Variants in SRGAP2B observed in about 807,000 individuals in gnomAD.
The protein encoded by SRGAP2B is SLIT-ROBO Rho GTPase activating protein 2B, also known as SLIT-ROBO Rho GTPase-activating protein 2B.
SRGAP2B carries 9 observed loss-of-function variants against 22.2 expected under a neutral mutation model. That is an observed-to-expected ratio of 0.41 (90% confidence interval 0.24 to 0.71). SRGAP2B has a LOEUF of 0.71. Ranked by LOEUF, SRGAP2B falls within the 30% of genes least tolerant of loss-of-function variation. The pLI, the probability that SRGAP2B is intolerant of heterozygous loss-of-function variation, is 0.35. For missense variants in SRGAP2B, 114 were observed against 235.8 expected, an observed-to-expected ratio of 0.48 and a Z score of 3.38; for synonymous variants, 36 against 87.4, an observed-to-expected ratio of 0.41 and a Z score of 3.28.
rs1239316459 is a variant in SRGAP2B at position 144,912,278 on chromosome 1, AC to A, written c.486+2413del. ...TTCTAATGGCCTACAGACTCTGGAA[AC>A]CTATTTGATCCTTAGCTATAGCCTA... is the stretch of plus-strand genomic sequence containing the variant. On this transcript the variant is annotated intron_variant, in intron 5 of 9. Transcript: ENST00000612199. Among the ~76,000 whole-genome samples, 4 of 147,196 alleles carry A rather than the reference AC, an allele frequency of 2.7e-5. 1 individual carries two copies. The highest frequency in any genetic ancestry group is 1.0e-4 in the African/African-American group (4 of 38,264).
rs371866853 is a variant in SRGAP2B at position 144,994,581 on chromosome 1, A to T, written c.260+427T>A. Among the ~76,000 whole-genome samples the T allele has an allele frequency of 8.6e-3, 1,264 of 146,682 alleles. 19 individuals are homozygous for T. The highest frequency in any genetic ancestry group is 0.015 in the Admixed American group (219 of 14,750). On this transcript the variant is annotated intron_variant, in intron 3 of 9. Transcript: ENST00000612199. ...GTGTGTGTGTGTGAGAGAGAGAGAG[A>T]GAGAGAGAGAGAGAGAGAGAGAGAG... is the stretch of plus-strand genomic sequence containing the variant.
At chr1:145,093,722 G>T (rs1654180134) in intron 1 of SRGAP2B, among the ~76,000 whole-genome samples, 1 of 149,064 alleles carries the variant, frequency 6.7e-6, no homozygotes, top group Admixed American at 6.6e-5. Flanking sequence ...GCGGCACCTC[G>T]GCGGCCTGCT....
In SRGAP2B at chr1:144,964,475, C is replaced by A. The variant is rs587685102; in HGVS notation, c.261-8874G>T. Reference sequence around the variant, plus strand: ...CCATTGGCTTGTGTACTCTAAATTACAGCATATTATTAACCATGTTGATAC... The same window carrying A: ...CCATTGGCTTGTGTACTCTAAATTAAAGCATATTATTAACCATGTTGATAC... On this transcript the variant is annotated intron_variant, in intron 3 of 9. Transcript: ENST00000612199. 5.2e-4 allele frequency among the ~76,000 whole-genome samples: 78 copies of A among 150,722 alleles called. 6 individuals carry two copies. The highest frequency in any genetic ancestry group is 1.9e-3 in the African/African-American group (76 of 40,256).
At chr1:144,975,252 A>G (rs1668809683) in intron 3 of SRGAP2B, among the ~76,000 whole-genome samples, 1 of 147,318 alleles carries the variant, frequency 6.8e-6, no homozygotes, top group Non-Finnish European at 1.5e-5. Flanking sequence ...AATAAACCAA[A>G]TTATATTTCA....
At position 144,999,204 on chromosome 1, in the gene SRGAP2B, G is replaced by A. The variant is rs372096385; in HGVS notation, c.68-4004C>T. On this transcript the variant is annotated intron_variant, in intron 2 of 9. Transcript: ENST00000612199. ...TTGGATGAGAATACTTGGGAGCTAT[G>A]GAGATGGTGGGGTCCTTGCCAGTTC... 2.0e-3 allele frequency among the ~76,000 whole-genome samples: 296 copies of A among 150,832 alleles called. 22 individuals are homozygous for A. Among genetic ancestry groups the A allele is most frequent in the African/African-American group, 7.0e-3 (283 of 40,356 alleles).
chr1:144,950,766 G>A (rs1238754982), intron 4 of SRGAP2B, among the ~76,000 whole-genome samples: 1 of 150,420 alleles, frequency 6.6e-6, no homozygotes, highest in Non-Finnish European at 1.5e-5. Flanking sequence ...TCCTAATACA[G>A]TATGTAGATG....
At chr1:145,057,136 ATTCTGACATAGG>A in intron 2 of SRGAP2B, among the ~76,000 whole-genome samples, 1 of 131,774 alleles carries the variant, frequency 7.6e-6, no homozygotes, top group Non-Finnish European at 1.6e-5. Context: ...AAAGCGGAAT[ATTCTGACATAGG>A]TTCGAGAAGA....
At chr1:145,047,087 A>AAACACAC (rs1336449757) in intron 2 of SRGAP2B, among the ~76,000 whole-genome samples, 5 of 143,248 alleles carry the variant, frequency 3.5e-5, no homozygotes, top group African/African-American at 1.4e-4. Context: ...GAGGCAGGAG[A>AAACACAC]AACACTTGAA....
intron 4 of SRGAP2B, among the ~76,000 whole-genome samples, chr1:144,940,799 CAA>C (rs71249180): frequency 1.2e-5 from 1 of 83,396 alleles, no homozygotes; most frequent in Non-Finnish European, 2.5e-5. Flanking sequence ...ACTCCATCTC[CAA>C]AAAAAAAAAA....
chr1:144,924,926 C>T (rs1295297915), intron 4 of SRGAP2B, among the ~76,000 whole-genome samples: 2 of 149,006 alleles, frequency 1.3e-5, no homozygotes, highest in African/African-American at 5.2e-5. Context: ...AATTCTGTCC[C>T]ATTTGATTTA....
chr1:145,021,671 G>A (rs1349688770), intron 2 of SRGAP2B, among the ~76,000 whole-genome samples: 9 of 147,626 alleles, frequency 6.1e-5, no homozygotes, highest in Non-Finnish European at 8.9e-5. Flanking sequence ...AAAATTAGCC[G>A]GGTGTGGTGG....
intron 4 of SRGAP2B, among the ~76,000 whole-genome samples, chr1:144,944,413 C>A (rs1201528545): frequency 6.7e-6 from 1 of 149,374 alleles, no homozygotes; most frequent in Non-Finnish European, 1.5e-5. Flanking sequence ...CTGGGCACCA[C>A]AGCGAGACCC....
intron 2 of SRGAP2B, among the ~76,000 whole-genome samples, chr1:145,075,828 C>G (rs1652445618): frequency 1.3e-5 from 2 of 149,234 alleles, no homozygotes; most frequent in African/African-American, 5.0e-5. Flanking sequence ...TGGCTCACAC[C>G]TGTAATCCCA....
intron 3 of SRGAP2B, among the ~76,000 whole-genome samples, chr1:144,985,510 AAAAC>A (rs1286432397): frequency 1.1e-4 from 16 of 151,414 alleles, no homozygotes; most frequent in South Asian, 2.1e-4. Context: ...ATTTAAAAAA[AAAAC>A]AAACAAACAG....
intron 4 of SRGAP2B, among the ~76,000 whole-genome samples, chr1:144,925,079 T>G (rs1417495346): frequency 1.3e-5 from 2 of 148,904 alleles, no homozygotes; most frequent in East Asian, 2.0e-4. Flanking sequence ...CTCGGCTCAC[T>G]GCAACCTCCG....
chr1:144,997,309 T>C (rs1670763208), intron 2 of SRGAP2B, among the ~76,000 whole-genome samples: 1 of 150,612 alleles, frequency 6.6e-6, no homozygotes, highest in African/African-American at 2.5e-5. Flanking sequence ...CAGGTGCCTG[T>C]GGTCCCAGCT....
chr1:144,951,220 G>A (rs11249370), intron 4 of SRGAP2B, among the ~76,000 whole-genome samples: 13 of 147,026 alleles, frequency 8.8e-5, no homozygotes, highest in African/African-American at 3.1e-4. Flanking sequence ...CTGTTACTCA[G>A]GCTAGAGTAC....
chr1:145,031,938 G>T (rs1648389411), intron 2 of SRGAP2B, among the ~76,000 whole-genome samples: 1 of 148,510 alleles, frequency 6.7e-6, no homozygotes, highest in Non-Finnish European at 1.5e-5. Flanking sequence ...GCCTCTAGGG[G>T]AAAGTTTGTC....
At position 144,987,488 on chromosome 1, in the gene SRGAP2B, GA is replaced by G. The variant is rs1193768415; in HGVS notation, c.260+7519del. On this transcript the variant is annotated intron_variant, in intron 3 of 9. Transcript: ENST00000612199. ...AGCCATCTTGGGTCATACAGAAAAG[GA>G]TAACACTCTCGGGATGGAATAAGAA... Among the ~76,000 whole-genome samples, 6 of 150,312 alleles carry G rather than the reference GA, an allele frequency of 4.0e-5. No individual in the cohort carries two copies. The South Asian group carries it at 1.3e-3, about 33-fold the overall frequency.
Sources: gnomAD v4.1 joint callset for allele counts (sites outside exome capture counted in the v4.1 genomes callset) on GRCh38, gnomAD v4.1.1 for gene constraint, MANE v1.5 for transcripts, NCBI Gene and HGNC (gene_info 2026-07-23, HGNC 2026-07-21) for gene names.